The following ESPL1 variants were observed in gnomAD, a reference collection of about 807,000 sequenced individuals.
ESPL1 encodes separin.
In ESPL1, 50 loss-of-function variants were observed where a neutral mutation model predicts 217.2. The observed-to-expected ratio is 0.23, with a 90% CI of 0.18 to 0.29. The LOEUF (loss-of-function observed/expected upper bound fraction) is 0.29, where lower values mean the gene tolerates loss of function less well. Ranked by LOEUF, ESPL1 falls within the 10% of genes least tolerant of loss-of-function variation. The pLI, the probability that ESPL1 is intolerant of heterozygous loss-of-function variation, is 1.00. For missense variants in ESPL1, 1,834 were observed against 2,603.0 expected (o/e 0.70, Z 6.43); for synonymous variants, 994 against 1,081.3 (o/e 0.92, Z 1.58).
chr12:53,277,736 A>C (rs1240548875), intron 10 of ESPL1, 85 bp from the exon 11 acceptor site: 2 of 1,579,476 alleles, frequency 1.3e-6, no homozygotes, highest in South Asian at 1.2e-5. Context: ...GGTTGGCGTA[A>C]AGGGCAGAGG....
At chr12:53,287,197 C>T (rs900284439) in intron 18 of ESPL1, 6 of 262,354 alleles carry the variant, frequency 2.3e-5, no homozygotes, top group East Asian at 8.1e-5. Flanking sequence ...CTCAGCTTCC[C>T]GAGTAGCTGG....
At position 53,292,719 on chromosome 12, in the gene ESPL1, T is replaced by G; in HGVS notation, c.5996+62T>G. The G allele has an allele frequency of 6.2e-7, 1 of 1,601,036 alleles. No individual in the cohort carries two copies. The highest frequency in any genetic ancestry group is 8.5e-7 in the Non-Finnish European group (1 of 1,170,534). The stretch of plus-strand genomic sequence containing the variant: ...GTCCTGAGGATGGTATCACCATGGG[T>G]TGCTTTGGGACTTGAGAGCCTCTGA... On this transcript the variant is annotated intron_variant, in intron 29 of 30. Coordinates refer to ENST00000257934, the MANE Select transcript of ESPL1 (RefSeq NM_012291.5). This position sits in a 1 kb window ranked among gnomAD's most constrained non-coding sequence, Gnocchi z 4.5.
intron 15 of ESPL1, 40 bp from the exon 16 acceptor site, chr12:53,283,342 C>T (rs1426411684): frequency 6.2e-7 from 1 of 1,612,964 alleles, no homozygotes; most frequent in East Asian, 2.2e-5. Context: ...AGGATCCACA[C>T]TGTGGCTGAG....
chr12:53,290,522 C>T (rs1052863598), intron 24 of ESPL1, 53 bp downstream of exon 24: 3 of 1,600,184 alleles, frequency 1.9e-6, no homozygotes, highest in African/African-American at 2.7e-5. Context: ...CCCGGGGGGT[C>T]CCAGTGACTT....
chr12:53,281,392 G>A (rs778410185), intron 12 of ESPL1, 115 bp from the exon 13 acceptor site: 2 of 1,017,836 alleles, frequency 2.0e-6, no homozygotes, highest in Admixed American at 4.5e-5. Flanking sequence ...GCCCACCTTG[G>A]CCTCCCAAAG....
At position 53,290,488 on chromosome 12, in the gene ESPL1, G is replaced by C; in HGVS notation, c.5364+19G>C. ...GATGGAGGTGTGTGCTTCTGGGGTG[G>C]GGTCAGGCCTGCTCTAGGAATGACC... On this transcript the variant is annotated intron_variant, in intron 24 of 30. Coordinates refer to ENST00000257934, the MANE Select transcript of ESPL1 (RefSeq NM_012291.5). 6.2e-7 allele frequency: 1 copy of C among 1,611,046 alleles called. No individual in the cohort carries two copies. Among genetic ancestry groups the C allele is most frequent in the South Asian group, 1.1e-5 (1 of 90,384 alleles).
In ESPL1 at chr12:53,277,486, G is replaced by T. The variant is rs146530110; in HGVS notation, c.2102G>T (p.Arg701Leu). 6.2e-7 allele frequency: 1 copy of T among 1,614,088 alleles called. No individual in the cohort carries two copies. The highest frequency in any genetic ancestry group is 8.5e-7 in the Non-Finnish European group (1 of 1,179,996). The change falls in exon 10 of 31, where the codon CGG becomes CTG. Residue 701 changes from arginine to leucine, a missense_variant. By Grantham distance (102) the Arg-to-Leu change is moderately radical. This residue lies in a region of ESPL1 where 746 missense variants were observed against 1,077.0 expected (regional missense o/e 0.69). Coordinates refer to ENST00000257934, the MANE Select transcript of ESPL1 (RefSeq NM_012291.5). ...CCCATCCAGGGTATCGAGCGGGATC[G>T]GAGAGCCCAGGCCCCTGGTAACTTG... is the stretch of plus-strand genomic sequence containing the variant. ...AKMQEGIERD[R>L]RAQAPGNLEE...
At chr12:53,289,818 C>T in intron 22 of ESPL1, 1 of 605,956 alleles carries the variant, frequency 1.7e-6, no homozygotes, top group Non-Finnish European at 2.9e-6. Flanking sequence ...GAGGTGAGTT[C>T]AGATGACTGG....
chr12:53,281,743 CT>C (rs1943866020), intron 13 of ESPL1, 117 bp downstream of exon 13: 2 of 970,184 alleles, frequency 2.1e-6, no homozygotes, highest in Non-Finnish European at 3.1e-6. Flanking sequence ...GTTCCTGACC[CT>C]GAGAGGCAGG....
intron 19 of ESPL1, 29 bp from the exon 20 acceptor site, chr12:53,288,509 A>G (rs559304768): frequency 1.3e-6 from 2 of 1,591,848 alleles, no homozygotes; most frequent in South Asian, 1.1e-5. Flanking sequence ...GGGAGGGAGC[A>G]CTGTGAAAAA....
In ESPL1 at chr12:53,293,170, T is replaced by C; in HGVS notation, c.6162-103T>C. On this transcript the variant is annotated intron_variant, in intron 30 of 30. Transcript: ENST00000257934. The surrounding 1 kb of genome is among the most constrained non-coding windows in gnomAD (Gnocchi z 4.2). The stretch of plus-strand genomic sequence containing the variant: ...ACCAAGGGCCAAAGGAGTTTCTCAT[T>C]GGTTCAATCCTCTCCACTCACCCAC... 2 of 1,094,394 alleles carry C rather than the reference T, an allele frequency of 1.8e-6. No individual in the cohort carries two copies. The highest frequency in any genetic ancestry group is 2.7e-6 in the Non-Finnish European group (2 of 730,638). 67.8% of individuals were successfully genotyped at this position (1,094,394 alleles called of 1,614,324 possible).
chr12:53,287,889 T>C (rs1943977232), intron 18 of ESPL1, 83 bp from the exon 19 acceptor site: 6 of 1,368,480 alleles, frequency 4.4e-6, no homozygotes, highest in African/African-American at 4.3e-5. Flanking sequence ...TGCCTGATGG[T>C]GCCTCCACTA....
chr12:53,290,612 C>A, intron 24 of ESPL1, 143 bp downstream of exon 24: 1 of 303,170 alleles, frequency 3.3e-6, no homozygotes, highest in Non-Finnish European at 4.4e-6. Flanking sequence ...AAAAATATGT[C>A]ACCTGGGGAG....
chr12:53,271,181 T>G (rs988082545), intron 5 of ESPL1, among the ~76,000 whole-genome samples: 2 of 147,438 alleles, frequency 1.4e-5, no homozygotes, highest in African/African-American at 5.0e-5. Flanking sequence ...TGTTTTTTTT[T>G]TTTTTTTTTT....
chr12:53,287,035 C>G, intron 18 of ESPL1, 123 bp downstream of exon 18: 1 of 928,144 alleles, frequency 1.1e-6, no homozygotes, highest in Non-Finnish European at 1.6e-6. Flanking sequence ...GAACTTTAAT[C>G]TCCTGCTATC....
chr12:53,268,772 G>A lies in ESPL1; in HGVS notation c.6G>A (p.Arg2=). Reference sequence around the variant, plus strand: ...TTCCCTAGCTCTCCGGTGTCATGAGGAGCTTCAAAAGAGTCAACTTTGGGA... The same window carrying A: ...TTCCCTAGCTCTCCGGTGTCATGAGAAGCTTCAAAAGAGTCAACTTTGGGA... The part of the protein sequence containing the change: M[R]SFKRVNFGTL... The change falls in exon 2 of 31, where the codon AGG becomes AGA. Residue 2 remains arginine, a synonymous_variant. Transcript: ENST00000257934. 1 of 1,609,778 alleles carries A rather than the reference G, an allele frequency of 6.2e-7. No homozygotes were observed. Among genetic ancestry groups the A allele is most frequent in the Non-Finnish European group, 8.5e-7 (1 of 1,177,422 alleles).
At chr12:53,273,033 AT>A (rs1287601708) in intron 6 of ESPL1, among the ~76,000 whole-genome samples, 176 bp downstream of exon 6, 3,647 of 122,900 alleles carry the variant, frequency 0.03, 40 homozygotes, top group African/African-American at 0.084. Flanking sequence ...CTGTTGACTC[AT>A]TTTTTTTTTT....
At position 53,286,798 on chromosome 12, in the gene ESPL1, G is replaced by A. The variant is rs376362754; in HGVS notation, c.4062G>A (p.Arg1354=). 8.9e-5 allele frequency: 143 copies of A among 1,614,024 alleles called. No individual in the cohort carries two copies. Among genetic ancestry groups the A allele is most frequent in the Non-Finnish European group, 1.2e-4 (138 of 1,180,056 alleles). Residue 1354 remains arginine (R), a synonymous_variant, in exon 18 of 31, where the codon AGG becomes AGA. Transcript: ENST00000257934. The surrounding 1 kb of genome is among the most constrained non-coding windows in gnomAD (Gnocchi z 5.3). ...PCTPKPPDRI[R]QAGPHVPFTV... is the part of the protein sequence containing the mutation. ...CACCTAAACCCCCAGACCGGATCAG[G>A]CAAGCTGGCCCTCATGTCCCCTTCA...
rs964687069 is a variant in ESPL1 at position 53,269,285 on chromosome 12, G to A, written c.343G>A (p.Glu115Lys). Residue 115 changes from glutamate to lysine, a missense_variant, in exon 3 of 31, where the codon GAG becomes AAG. Physicochemically the swap from Glu to Lys is moderately conservative, Grantham distance 56. Around this residue, in one of 5 missense-constraint regions of ESPL1, gnomAD observed 746 missense variants for 1,077.0 expected, o/e 0.69. Coordinates refer to ENST00000257934, the MANE Select transcript of ESPL1 (RefSeq NM_012291.5). This position sits in a 1 kb window ranked among gnomAD's most constrained non-coding sequence, Gnocchi z 6.7. Reference protein sequence around the residue: ...LRNAAAQGSPEATLRLAQPLH... With the variant: ...LRNAAAQGSPKATLRLAQPLH... ...GAATGCTGCTGCACAAGGAAGCCCA[G>A]AGGCCACACTCCGCCTTGCTCAGCC... 6.2e-7 allele frequency: 1 copy of A among 1,614,074 alleles called. No individual in the cohort carries two copies. The highest frequency in any genetic ancestry group is 1.3e-5 in the African/African-American group (1 of 74,932).
Sources: allele counts gnomAD v4.1 joint callset (sites outside exome capture counted in the v4.1 genomes callset), GRCh38; gene constraint gnomAD v4.1.1; regional missense constraint gnomAD v4.1.1; non-coding constraint Gnocchi (gnomAD v3.1); transcripts MANE v1.5; gene names NCBI Gene and HGNC (gene_info 2026-07-23, HGNC 2026-07-21).